Variants in TIMM44 observed in about 807,000 individuals in gnomAD.
TIMM44 encodes the protein translocase of inner mitochondrial membrane 44.
In TIMM44, 37 loss-of-function variants were observed where a neutral mutation model predicts 63.8. That is an observed-to-expected ratio of 0.58 (90% CI 0.45 to 0.76). TIMM44 has a LOEUF of 0.76. TIMM44 is among the 30% of genes least tolerant of loss of function. The probability of loss-of-function intolerance (pLI) is 0.00; values close to 1 mark genes in which losing one functional copy is unlikely to be tolerated. For missense variants in TIMM44, 573 were observed against 603.8 expected, an observed-to-expected ratio of 0.95 and a Z score of 0.54; for synonymous variants, 239 against 245.1, an observed-to-expected ratio of 0.98 and a Z score of 0.23.
Position 7,933,484 on chromosome 19 carries a change from C to T in TIMM44, c.769+1G>A, listed in dbSNP as rs752671096. 3 of 1,613,966 alleles carry T rather than the reference C, an allele frequency of 1.9e-6. No individual in the cohort carries two copies. The highest frequency in any genetic ancestry group is 2.5e-6 in the Non-Finnish European group (3 of 1,179,826). ...CTGCCCTCCAAGACACCTTCACTCACGGTTAAACACCACGTTGTTCTCCTT... is the reference window on the plus strand; with the variant it reads ...CTGCCCTCCAAGACACCTTCACTCATGGTTAAACACCACGTTGTTCTCCTT... On this transcript the variant is annotated splice_donor_variant, in intron 7 of 12. Transcript: ENST00000270538. LOFTEE classifies it high-confidence loss of function. The surrounding 1 kb of genome is among the most constrained non-coding windows in gnomAD (Gnocchi z 4.3).
At chr19:7,940,973 G>A (rs77436248) in intron 2 of TIMM44, 129 bp downstream of exon 2, 19,764 of 732,368 alleles carry the variant, frequency 0.027, 1,268 homozygotes, top group East Asian at 0.21. Flanking sequence ...TGAAAGCCCC[G>A]GACACAGAAG....
rs1442608496 is a variant in TIMM44 at position 7,934,986 on chromosome 19, A to G, written c.393+79T>C. 3.7e-6 allele frequency: 5 copies of G among 1,360,384 alleles called. No homozygotes were observed. The highest frequency in any genetic ancestry group is 5.1e-6 in the Non-Finnish European group (5 of 971,180). 84.3% of individuals were successfully genotyped at this position (1,360,384 alleles called of 1,614,324 possible). A position where few individuals can be genotyped will look rare whatever the true frequency, so the allele number is the denominator to read the frequency against. On this transcript the variant is annotated intron_variant, in intron 4 of 12. Transcript: ENST00000270538. This position sits in a 1 kb window ranked among gnomAD's most constrained non-coding sequence, Gnocchi z 5.3. The stretch of plus-strand genomic sequence containing the variant: ...TGCTGCCAAGCCACCCCCACCCAGG[A>G]GCCGACTCTTCCTCCAGCCTCCAGC...
intron 9 of TIMM44, 156 bp downstream of exon 9, chr19:7,932,471 C>G (rs1568295481): frequency 1.9e-6 from 2 of 1,052,202 alleles, no homozygotes; most frequent in Non-Finnish European, 2.8e-6. Flanking sequence ...CATGGGGCAG[C>G]TGCAGCCGGG....
chr19:7,935,154 A>C lies in TIMM44; in HGVS notation c.313-9T>G. 6.3e-7 allele frequency: 1 copy of C among 1,588,814 alleles called. No individual in the cohort carries two copies. Among genetic ancestry groups the C allele is most frequent in the Non-Finnish European group, 8.6e-7 (1 of 1,161,996 alleles). ...TCTGACTCGATGGTTTTCTAGGTAA[A>C]GAGCGCTGTGTCCTTTTTTTTTTTT... On this transcript the variant is annotated splice_polypyrimidine_tract_variant and intron_variant, in intron 3 of 12. Transcript: ENST00000270538.
At chr19:7,931,274 C>T (rs1983974884) in intron 9 of TIMM44, 86 bp from the exon 10 acceptor site, 11 of 1,294,494 alleles carry the variant, frequency 8.5e-6, no homozygotes, top group African/African-American at 1.5e-5. Flanking sequence ...TCCAGTGGTG[C>T]GGGGTGGGGA....
At chr19:7,932,488 C>A in intron 9 of TIMM44, 139 bp downstream of exon 9, 1 of 1,232,618 alleles carries the variant, frequency 8.1e-7, no homozygotes, top group Non-Finnish European at 1.1e-6. Flanking sequence ...CGGGCAGGAG[C>A]CCGTGTGCAA....
rs552163798 is a variant in TIMM44 at position 7,934,197 on chromosome 19, G to C, written c.435C>G (p.Ile145Met). 1 of 1,613,412 alleles carries C rather than the reference G, an allele frequency of 6.2e-7. No homozygotes were observed. The highest frequency in any genetic ancestry group is 2.2e-5 in the East Asian group (1 of 44,876). Residue 145 changes from isoleucine to methionine, a missense_variant, in exon 5 of 13, where the codon ATC becomes ATG. Coordinates refer to ENST00000270538, the MANE Select transcript of TIMM44 (RefSeq NM_006351.4). This position sits in a 1 kb window ranked among gnomAD's most constrained non-coding sequence, Gnocchi z 5.3. ...TGGCTGCTTCCTCCACGCCCTCCTT[G>C]ATTTTCCGGCCGAGATCACTTTTAC... ...EVSKSDLGRK[I>M]KEGVEEAAKT...
chr19:7,934,264 G>C lies in TIMM44; in HGVS notation c.394-26C>G, dbSNP rs997687822. On this transcript the variant is annotated intron_variant, in intron 4 of 12. Transcript: ENST00000270538. This position sits in a 1 kb window ranked among gnomAD's most constrained non-coding sequence, Gnocchi z 5.3. The stretch of plus-strand genomic sequence containing the variant: ...CTACTGAGACAGACACAGAGAGGGG[G>C]CGTTGGCACCGGCCCTGGCGGCCGG... 6.2e-7 allele frequency: 1 copy of C among 1,608,986 alleles called. No homozygotes were observed. Among genetic ancestry groups the C allele is most frequent in the African/African-American group, 1.3e-5 (1 of 74,928 alleles).
intron 1 of TIMM44, among the ~76,000 whole-genome samples, chr19:7,941,569 C>T (rs911928109): frequency 2.0e-5 from 3 of 151,980 alleles, no homozygotes; most frequent in African/African-American, 7.3e-5. Context: ...GGATTACAGG[C>T]ATGAGCCACT....
chr19:7,939,141 T>C (rs1235200612), intron 2 of TIMM44, among the ~76,000 whole-genome samples: 1 of 151,952 alleles, frequency 6.6e-6, no homozygotes, highest in Non-Finnish European at 1.5e-5. Context: ...AAACCATGCA[T>C]TTATTAATAA....
At chr19:7,939,878 C>T (rs768637219) in intron 2 of TIMM44, among the ~76,000 whole-genome samples, 4 of 152,144 alleles carry the variant, frequency 2.6e-5, no homozygotes. Context: ...CGCCCCTGCA[C>T]TCCAGCCTGG....
Position 7,933,943 on chromosome 19 carries a change from G to C in TIMM44, c.604C>G (p.Arg202Gly). 1.9e-6 allele frequency: 3 copies of C among 1,614,122 alleles called. No individual in the cohort carries two copies. The highest frequency in any genetic ancestry group is 2.5e-6 in the Non-Finnish European group (3 of 1,180,020). Residue 202 changes from arginine to glycine, a missense_variant, in exon 6 of 13, where the codon CGG (arginine) becomes GGG (glycine). Transcript: ENST00000270538. This position sits in a 1 kb window ranked among gnomAD's most constrained non-coding sequence, Gnocchi z 4.3. ...DSVLGQTGPY[R>G]RPQRLRKRTE... ...CTCTTCCGGAGTCGCTGGGGCCTCC[G>C]GTAGGGCCCGGTCTGTCCCAGGACG...
chr19:7,931,275 G>A (rs978303611), intron 9 of TIMM44, 87 bp from the exon 10 acceptor site: 21 of 1,272,888 alleles, frequency 1.6e-5, no homozygotes, highest in East Asian at 2.3e-5. Context: ...CCAGTGGTGC[G>A]GGGTGGGGAG....
At chr19:7,937,845 T>A (rs1469391840) in intron 3 of TIMM44, 182 bp downstream of exon 3, 1 of 669,108 alleles carries the variant, frequency 1.5e-6, no homozygotes, top group Admixed American at 2.4e-5. Flanking sequence ...TGGTGAAACC[T>A]CTTCACTACT....
intron 10 of TIMM44, 47 bp downstream of exon 10, chr19:7,931,091 T>A (rs1158441975): frequency 1.3e-6 from 2 of 1,586,236 alleles, no homozygotes; most frequent in Admixed American, 1.7e-5. Flanking sequence ...CCATGGTGAT[T>A]TTTTAGGCCT....
At chr19:7,941,322 C>T (rs542283099) in intron 1 of TIMM44, 125 bp from the exon 2 acceptor site, 15 of 724,494 alleles carry the variant, frequency 2.1e-5, no homozygotes, top group Middle Eastern at 2.7e-4. Context: ...TTTTTTGAGA[C>T]GGAGTCTCAG....
chr19:7,936,101 G>A (rs934177647), intron 3 of TIMM44, among the ~76,000 whole-genome samples: 3 of 152,190 alleles, frequency 2.0e-5, no homozygotes, highest in Non-Finnish European at 4.4e-5. Context: ...ACTGCAGTGA[G>A]CTGTGATCAC....
chr19:7,931,261 T>C (rs1983974531), intron 9 of TIMM44, 73 bp from the exon 10 acceptor site: 2 of 1,399,454 alleles, frequency 1.4e-6, no homozygotes, highest in Non-Finnish European at 2.0e-6. Flanking sequence ...CCTGGGAACA[T>C]TCTCCAGTGG....
chr19:7,937,313 G>C (rs1004601668), intron 3 of TIMM44, among the ~76,000 whole-genome samples: 1 of 152,176 alleles, frequency 6.6e-6, no homozygotes, highest in Non-Finnish European at 1.5e-5. Flanking sequence ...CCATCACCCA[G>C]TTTCCACCAG....
Sources: gnomAD v4.1 joint callset for allele counts (sites outside exome capture counted in the v4.1 genomes callset) on GRCh38, gnomAD v4.1.1 for gene constraint, Gnocchi (gnomAD v3.1) non-coding constraint, MANE v1.5 for transcripts, NCBI Gene and HGNC (gene_info 2026-07-23, HGNC 2026-07-21) for gene names.